RFX3: variants seen among roughly 807,000 people sequenced by gnomAD.
RFX3 encodes the protein regulatory factor X3.
A neutral mutation model predicts 98.6 loss-of-function variants in RFX3; 14 were observed. The observed-to-expected ratio is 0.14, with a 90% CI of 0.09 to 0.22. RFX3 has a LOEUF of 0.22. Ranked by LOEUF, RFX3 falls within the 10% of genes least tolerant of loss-of-function variation. The pLI is 1.00. For missense variants in RFX3, 639 were observed against 926.9 expected (o/e 0.69, Z 4.03); for synonymous variants, 383 against 328.4 (o/e 1.17, Z -1.80).
At position 3,395,414 on chromosome 9, in the gene RFX3, T is replaced by C. The variant is rs184699902; in HGVS notation, c.117+58A>G. On this transcript the variant is annotated intron_variant, in intron 2 of 16. Transcript: ENST00000617270. ...CAAATAATTTTTGGATACAGGTATG[T>C]TGGACAGCCAACATAATGAAAGTAA... The C allele has an allele frequency of 7.0e-5, 111 of 1,593,252 alleles. No homozygotes were observed. In the African/African-American group the frequency reaches 1.2e-3, roughly 18 times the overall value.
chr9:3,477,543 T>C (rs1849379802), intron 1 of RFX3, among the ~76,000 whole-genome samples: 1 of 152,218 alleles, frequency 6.6e-6, no homozygotes, highest in African/African-American at 2.4e-5. Context: ...CTATTAAGCC[T>C]ATTGAGGATT....
rs576661778 is a variant in RFX3, at chr9:3,502,996, C to T, written c.-9+22751G>A. On this transcript the variant is annotated intron_variant, in intron 1 of 16. Transcript: ENST00000617270. ...AGATGTTTCCTAATCAAAAGAGTTA[C>T]GAGGAAAAACATGAGAGAAGACTCA... Among the ~76,000 whole-genome samples, 9 of 152,166 alleles carry T rather than the reference C, an allele frequency of 5.9e-5. No individual in the cohort carries two copies. The South Asian group carries it at 8.3e-4, about 14-fold the overall frequency.
chr9:3,323,147 T>A (rs1831501438), intron 4 of RFX3, among the ~76,000 whole-genome samples: 1 of 152,116 alleles, frequency 6.6e-6, no homozygotes, highest in Admixed American at 6.5e-5. Flanking sequence ...ACAACTGGAG[T>A]TACATGTACT....
intron 2 of RFX3, among the ~76,000 whole-genome samples, chr9:3,349,632 C>T (rs1012341890): frequency 1.1e-4 from 16 of 152,010 alleles, no homozygotes; most frequent in Non-Finnish European, 2.2e-4. Flanking sequence ...TTTATCCTTT[C>T]ATTGCCTTTC....
At position 3,330,332 on chromosome 9, in the gene RFX3, G is replaced by T. The variant is rs1197434065; in HGVS notation, c.401C>A (p.Thr134Asn). The change falls in exon 4 of 17, where the codon ACC (threonine) becomes AAC (asparagine). Residue 134 changes from threonine (T) to asparagine (N), a missense_variant. Physicochemically the swap from Thr to Asn is moderately conservative, Grantham distance 65. Coordinates refer to ENST00000617270, the MANE Select transcript of RFX3 (RefSeq NM_001282116.2). ...GGQLISSSGG[T>N]YLIGNSMENS... The stretch of plus-strand genomic sequence containing the variant: ...CTCCATTGAGTTGCCGATCAGATAG[G>T]TTCCTCCAGAGCTGCTGATGAGTTG... 1 of 1,614,006 alleles carries T rather than the reference G, an allele frequency of 6.2e-7. No homozygotes were observed. The highest frequency in any genetic ancestry group is 2.2e-5 in the East Asian group (1 of 44,872).
intron 1 of RFX3, among the ~76,000 whole-genome samples, chr9:3,437,881 T>G (rs1405673542): frequency 6.6e-6 from 1 of 152,184 alleles, no homozygotes; most frequent in Non-Finnish European, 1.5e-5. Flanking sequence ...TGCTTCTCAA[T>G]TTTTTGAAAA....
intron 1 of RFX3, among the ~76,000 whole-genome samples, chr9:3,456,369 G>A (rs996212936): frequency 2.6e-5 from 4 of 152,154 alleles, no homozygotes; most frequent in African/African-American, 9.7e-5. Context: ...AAAATTTTAT[G>A]TTAATCAGTA....
At chr9:3,522,262 A>T (rs1818793521) in intron 1 of RFX3, among the ~76,000 whole-genome samples, 2 of 152,202 alleles carry the variant, frequency 1.3e-5, no homozygotes, top group African/African-American at 4.8e-5. Flanking sequence ...AAATATGGGA[A>T]CACTATGTAT....
At chr9:3,328,459 G>C (rs1832185907) in intron 4 of RFX3, among the ~76,000 whole-genome samples, 1 of 152,050 alleles carries the variant, frequency 6.6e-6, no homozygotes, top group South Asian at 2.1e-4. Flanking sequence ...TTTATTAGTA[G>C]CAATCCCCTT....
chr9:3,385,850 TC>T (rs1177925093), intron 2 of RFX3, among the ~76,000 whole-genome samples: 1 of 152,164 alleles, frequency 6.6e-6, no homozygotes, highest in Non-Finnish European at 1.5e-5. Context: ...ATATATTATT[TC>T]CACCCTAATT....
intron 7 of RFX3, 31 bp downstream of exon 7, chr9:3,288,100 T>G: frequency 6.2e-7 from 1 of 1,610,840 alleles, no homozygotes. Flanking sequence ...ATACATAGCT[T>G]GGACACATCA....
At chr9:3,411,782 C>A (rs769722811) in intron 1 of RFX3, among the ~76,000 whole-genome samples, 2 of 151,730 alleles carry the variant, frequency 1.3e-5, no homozygotes, top group African/African-American at 4.8e-5. Flanking sequence ...TGAGCCACTG[C>A]GCAGGCCTCT....
At chr9:3,459,487 G>T (rs1338559500) in intron 1 of RFX3, among the ~76,000 whole-genome samples, 4 of 152,056 alleles carry the variant, frequency 2.6e-5, no homozygotes, top group African/African-American at 9.7e-5. Context: ...CAGTTACTGG[G>T]CACTCCTCTA....
At chr9:3,239,971 G>C (rs1000543431) in intron 15 of RFX3, among the ~76,000 whole-genome samples, 4 of 152,216 alleles carry the variant, frequency 2.6e-5, no homozygotes, top group African/African-American at 9.6e-5. Flanking sequence ...CAGCCAAAAA[G>C]GGGCAGCTGT....
chr9:3,266,311 C>T lies in RFX3; in HGVS notation c.1358-6G>A. 6.3e-7 allele frequency: 1 copy of T among 1,585,740 alleles called. No homozygotes were observed. The highest frequency in any genetic ancestry group is 1.1e-5 in the South Asian group (1 of 89,452). On this transcript the variant is annotated splice_region_variant and splice_polypyrimidine_tract_variant and intron_variant, in intron 11 of 16. Transcript: ENST00000617270. ...AATGGCTTGGGTCAAGGCACCTAAA[C>T]ATTAAAGAATAAAAGCAGGATAAAA...
chr9:3,433,274 C>T (rs1348697854), intron 1 of RFX3, among the ~76,000 whole-genome samples: 2 of 152,134 alleles, frequency 1.3e-5, no homozygotes, highest in Non-Finnish European at 2.9e-5. Flanking sequence ...TCTTCCACTT[C>T]CCCAAGACAG....
chr9:3,337,520 C>T (rs927518871), intron 3 of RFX3, among the ~76,000 whole-genome samples: 4 of 152,082 alleles, frequency 2.6e-5, no homozygotes, highest in Admixed American at 6.5e-5. Flanking sequence ...GCTAGGGGCA[C>T]AAAGCAATGG....
At chr9:3,504,247 A>T (rs1478239061) in intron 1 of RFX3, among the ~76,000 whole-genome samples, 2 of 131,580 alleles carry the variant, frequency 1.5e-5, no homozygotes, top group African/African-American at 3.0e-5. Context: ...TTATATATAT[A>T]TTTTATATAT....
At chr9:3,337,645 T>C (rs1479375763) in intron 3 of RFX3, among the ~76,000 whole-genome samples, 2 of 152,202 alleles carry the variant, frequency 1.3e-5, no homozygotes, top group East Asian at 1.9e-4. Flanking sequence ...GCTGCAGTGG[T>C]GTGGTGTCTG....
Sources: gnomAD v4.1 joint callset for allele counts (sites outside exome capture counted in the v4.1 genomes callset) on GRCh38, gnomAD v4.1.1 for gene constraint, MANE v1.5 for transcripts, NCBI Gene and HGNC (gene_info 2026-07-23, HGNC 2026-07-21) for gene names.